NDUFA10: variants seen among roughly 807,000 people sequenced by gnomAD.
The protein encoded by NDUFA10 is NADH:ubiquinone oxidoreductase subunit A10.
In NDUFA10, 40 loss-of-function variants were observed where a neutral mutation model predicts 47.8. That is an observed-to-expected ratio of 0.84 (90% CI 0.65 to 1.09). The LOEUF (loss-of-function observed/expected upper bound fraction) is 1.09. NDUFA10 is among the 50% of genes least tolerant of loss of function. The pLI, the probability that NDUFA10 is intolerant of heterozygous loss-of-function variation, is 0.00. For missense variants in NDUFA10, 413 were observed against 451.1 expected, an observed-to-expected ratio of 0.92 and a Z score of 0.76; for synonymous variants, 183 against 172.2, an observed-to-expected ratio of 1.06 and a Z score of -0.49.
At chr2:239,908,235 C>A (rs538848670) in intron 4 of NDUFA10, among the ~76,000 whole-genome samples, 2 of 142,328 alleles carry the variant, frequency 1.4e-5, no homozygotes, top group African/African-American at 5.2e-5. Flanking sequence ...CATCACACAC[C>A]GGGGCCTGTT....
intron 9 of NDUFA10, among the ~76,000 whole-genome samples, chr2:239,962,205 T>C (rs1454073171): frequency 8.2e-6 from 1 of 121,520 alleles, no homozygotes; most frequent in Non-Finnish European, 1.7e-5. Context: ...CACAGTCAAT[T>C]TGTGTACACA....
intron 8 of NDUFA10, among the ~76,000 whole-genome samples, chr2:239,999,734 A>T (rs1696629728): frequency 6.6e-6 from 1 of 152,220 alleles, no homozygotes; most frequent in Non-Finnish European, 1.5e-5. Context: ...AGCTGCAGCT[A>T]AAGCTGAATT....
chr2:239,965,444 CAT>C (rs1695020236), intron 9 of NDUFA10, among the ~76,000 whole-genome samples: 2 of 152,324 alleles, frequency 1.3e-5, no homozygotes, highest in South Asian at 4.1e-4. Context: ...TCATTCATCA[CAT>C]GAGAAAACGC....
At chr2:239,894,472 T>TGCC (rs1367481440) in intron 5 of NDUFA10, among the ~76,000 whole-genome samples, 1 of 152,104 alleles carries the variant, frequency 6.6e-6, no homozygotes, top group Non-Finnish European at 1.5e-5. Flanking sequence ...GCAAGTTTCC[T>TGCC]GCCACCTCCT....
In NDUFA10 at chr2:239,957,956, G is replaced by GT. The variant is rs1212220513; in HGVS notation, c.*3161dup. Reference sequence around the variant, plus strand: ...TCCTTTGCTTTGACAATTCGAGAGAGTATTAGAAAACACTAGCGGCGTGAG... The same window carrying GT: ...TCCTTTGCTTTGACAATTCGAGAGAGTTATTAGAAAACACTAGCGGCGTGAG... On this transcript the variant is annotated 3_prime_UTR_variant, in exon 10 of 10. Transcript: ENST00000252711. 3.9e-5 allele frequency: 6 copies of GT among 152,246 alleles called. No individual in the cohort carries two copies. The highest frequency in any genetic ancestry group is 1.4e-4 in the African/African-American group (6 of 41,462). The allele number at this position is 152,246 out of a possible 1,614,324, so 9.4% of individuals were successfully genotyped here. A position where few individuals can be genotyped will look rare whatever the true frequency, so the allele number is the denominator to read the frequency against.
At chr2:240,010,754 G>A (rs543315823) in intron 6 of NDUFA10, among the ~76,000 whole-genome samples, 4 of 152,032 alleles carry the variant, frequency 2.6e-5, no homozygotes, top group East Asian at 3.9e-4. Context: ...TATTACCTAT[G>A]GTCTAACAAT....
At chr2:239,914,482 T>C (rs200828534) in intron 4 of NDUFA10, among the ~76,000 whole-genome samples, 1 of 127,832 alleles carries the variant, frequency 7.8e-6, no homozygotes. Flanking sequence ...CACACAAATA[T>C]AGACACACAC....
At position 240,007,329 on chromosome 2, in the gene NDUFA10, T is replaced by G; in HGVS notation, c.791A>C (p.Gln264Pro). Reference sequence around the variant, plus strand: ...CCATTTTCTTACCTTTTTTGAATCTTGAGCTTCCCTTGCAGAATATTGTAA... The same window carrying G: ...CCATTTTCTTACCTTTTTTGAATCTGGAGCTTCCCTTGCAGAATATTGTAA... ...EVLQYSAREA[Q>P]DSKKVVEDIE... The change falls in exon 7 of 10, where the codon CAA (glutamine) becomes CCA (proline). Residue 264 changes from glutamine (Q) to proline (P), a missense_variant. Transcript: ENST00000252711. The G allele has an allele frequency of 6.3e-7, 1 of 1,592,860 alleles. No homozygotes were observed. Among genetic ancestry groups the G allele is most frequent in the Non-Finnish European group, 8.6e-7 (1 of 1,160,612 alleles).
At chr2:239,953,590 C>G (rs1034766106), downstream of NDUFA10, among the ~76,000 whole-genome samples, 2 of 150,450 alleles carry the variant, frequency 1.3e-5, no homozygotes, top group Non-Finnish European at 3.0e-5. Flanking sequence ...CTCCGAACCT[C>G]CTACAGCTCT....
At chr2:239,994,040 C>T (rs1267554441) in intron 8 of NDUFA10, among the ~76,000 whole-genome samples, 1 of 152,132 alleles carries the variant, frequency 6.6e-6, no homozygotes, top group East Asian at 1.9e-4. Flanking sequence ...ATGGTCTCCT[C>T]CTTGTAAAAT....
Position 239,970,958 on chromosome 2 carries a change from G to C in NDUFA10, c.1000-9772C>G, listed in dbSNP as rs193166533. Among the ~76,000 whole-genome samples the C allele has an allele frequency of 5.3e-5, 8 of 152,274 alleles. No homozygotes were observed. In the East Asian group the frequency reaches 1.5e-3, roughly 29 times the overall value. ...TCCCTCTAAGAAAGTTCCTATCCAG[G>C]GTTTGGCTAATAACAACAGATGTCA... On this transcript the variant is annotated intron_variant, in intron 9 of 9. Coordinates refer to ENST00000252711, the MANE Select transcript of NDUFA10 (RefSeq NM_004544.4).
chr2:239,943,883 G>A (rs1380260579), intron 4 of NDUFA10, among the ~76,000 whole-genome samples: 1 of 152,194 alleles, frequency 6.6e-6, no homozygotes, highest in Admixed American at 6.5e-5. Context: ...TTTAGTCCCT[G>A]TCCCTGGACA....
chr2:239,954,756 C>T (rs1694620395), downstream of NDUFA10, among the ~76,000 whole-genome samples: 1 of 152,144 alleles, frequency 6.6e-6, no homozygotes, highest in African/African-American at 2.4e-5. Flanking sequence ...TTTTTGTACT[C>T]ACTGCTAACA....
intron 4 of NDUFA10, among the ~76,000 whole-genome samples, chr2:240,017,387 C>T (rs1697402402): frequency 6.6e-6 from 1 of 152,206 alleles, no homozygotes. Context: ...TCCCACTGCG[C>T]TACAGATGAC....
intron 4 of NDUFA10, chr2:239,942,972 G>A (rs1435541225): frequency 6.5e-6 from 1 of 154,390 alleles, no homozygotes; most frequent in Non-Finnish European, 1.5e-5. Context: ...GTGGAAGAAG[G>A]TTCGTTCAAA....
chr2:239,976,370 CG>C (rs1420858040), intron 9 of NDUFA10: 2 of 152,622 alleles, frequency 1.3e-5, no homozygotes, highest in African/African-American at 4.8e-5. Flanking sequence ...TGGCCCTTGC[CG>C]GCCATGCCCT....
chr2:239,988,759 T>A (rs889257568), intron 9 of NDUFA10, among the ~76,000 whole-genome samples: 1 of 152,182 alleles, frequency 6.6e-6, no homozygotes, highest in African/African-American at 2.4e-5. Flanking sequence ...AGCTACAGCG[T>A]TGATGCCAGG....
chr2:239,917,394 T>G (rs561986259), intron 4 of NDUFA10, among the ~76,000 whole-genome samples: 1 of 152,266 alleles, frequency 6.6e-6, no homozygotes. Flanking sequence ...TTTTCCTGTC[T>G]CTTATGGTAT....
At chr2:239,898,581 AAGGAACGCCTCTCC>A (rs539664770) in intron 4 of NDUFA10, among the ~76,000 whole-genome samples, 61 of 152,362 alleles carry the variant, frequency 4.0e-4, no homozygotes, top group South Asian at 3.9e-3. Flanking sequence ...AGGGGCAGGC[AAGGAACGCCTCTCC>A]AGGAACGCCT....
Sources: gnomAD v4.1 joint callset for allele counts (sites outside exome capture counted in the v4.1 genomes callset) on GRCh38, gnomAD v4.1.1 for gene constraint, MANE v1.5 for transcripts, NCBI Gene and HGNC (gene_info 2026-07-23, HGNC 2026-07-21) for gene names.